The following MOXD1 variants were observed in gnomAD, a reference collection of about 807,000 sequenced individuals.
MOXD1 encodes the protein DBH-like monooxygenase protein 1.
MOXD1 carries 62 observed loss-of-function variants against 66.6 expected under a neutral mutation model. The ratio of observed to expected loss-of-function variants is 0.93; its 90% CI spans 0.76 to 1.15. MOXD1 has a LOEUF of 1.15. Ranked by LOEUF, MOXD1 falls within the 50% of genes most tolerant of loss-of-function variation. The pLI is 0.00. For synonymous variants in MOXD1, 303 were observed against 281.9 expected (o/e 1.07, Z -0.75); for missense variants, 847 against 754.6 (o/e 1.12, Z -1.44).
intron 4 of MOXD1, among the ~76,000 whole-genome samples, chr6:132,367,171 T>C (rs1776165772): frequency 6.6e-6 from 1 of 151,996 alleles, no homozygotes; most frequent in South Asian, 2.1e-4. Context: ...CCTCCCTAAA[T>C]GAAGTGATGG....
chr6:132,399,738 G>A (rs1776977505), intron 1 of MOXD1, among the ~76,000 whole-genome samples: 2 of 152,062 alleles, frequency 1.3e-5, no homozygotes, highest in African/African-American at 4.8e-5. Flanking sequence ...GATAGTTAAG[G>A]GGCATACTAT....
chr6:132,347,691 A>T (rs1775694732), intron 4 of MOXD1, among the ~76,000 whole-genome samples: 1 of 149,800 alleles, frequency 6.7e-6, no homozygotes, highest in Admixed American at 6.7e-5. Context: ...AAAAAAAATT[A>T]TTTGATTTAT....
At chr6:132,395,747 T>C (rs964029716) in intron 1 of MOXD1, among the ~76,000 whole-genome samples, 25 of 152,136 alleles carry the variant, frequency 1.6e-4, no homozygotes, top group Middle Eastern at 3.2e-3. Flanking sequence ...AGGTGAAACA[T>C]ACCTTAAGTA....
chr6:132,304,674 T>C (rs1774646588), intron 10 of MOXD1, among the ~76,000 whole-genome samples: 1 of 152,208 alleles, frequency 6.6e-6, no homozygotes, highest in Non-Finnish European at 1.5e-5. Context: ...TGTATAAGTA[T>C]GATTTTTCTT....
At chr6:132,325,991 T>C (rs1350592877) in intron 6 of MOXD1, among the ~76,000 whole-genome samples, 4 of 152,234 alleles carry the variant, frequency 2.6e-5, no homozygotes, top group African/African-American at 9.6e-5. Flanking sequence ...TCTGGACATA[T>C]CTTGCAAAAT....
chr6:132,363,792 T>C (rs1465919226), intron 4 of MOXD1, among the ~76,000 whole-genome samples: 1 of 152,210 alleles, frequency 6.6e-6, no homozygotes, highest in Admixed American at 6.5e-5. Context: ...CATACTTCCT[T>C]GCATGTAAGT....
intron 1 of MOXD1, among the ~76,000 whole-genome samples, chr6:132,378,514 GA>G (rs1283796369): frequency 6.6e-6 from 1 of 151,558 alleles, no homozygotes; most frequent in Non-Finnish European, 1.5e-5. Flanking sequence ...AAAGAAAGCA[GA>G]AAAAGATTAA....
Position 132,297,955 on chromosome 6 carries a change from C to T in MOXD1, c.1509G>A (p.Thr503=), listed in dbSNP as rs1273550741. ...IGVKEIYRPV[T]TWPFIIKSPK... The stretch of plus-strand genomic sequence containing the variant: ...GACTTTTGATAATGAAAGGCCAGGT[C>T]CTGAATTTAAAAGACACAGTTAGTC... Residue 503 remains threonine, a splice_region_variant and synonymous_variant, in exon 11 of 12, where the codon ACG becomes ACA. Transcript: ENST00000367963. 3 of 1,603,150 alleles carry T rather than the reference C, an allele frequency of 1.9e-6. No individual in the cohort carries two copies. The highest frequency in any genetic ancestry group is 1.7e-4 in the Middle Eastern group (1 of 5,966).
At chr6:132,388,751 T>C (rs1776699016) in intron 1 of MOXD1, among the ~76,000 whole-genome samples, 1 of 151,480 alleles carries the variant, frequency 6.6e-6, no homozygotes, top group South Asian at 2.1e-4. Context: ...TGGAGAAGAA[T>C]ACTTCTCTTG....
chr6:132,377,074 T>C (rs983665387), intron 1 of MOXD1, among the ~76,000 whole-genome samples: 18 of 152,162 alleles, frequency 1.2e-4, no homozygotes, highest in African/African-American at 3.9e-4. Context: ...TGGGATAGGA[T>C]GGGTACGCTT....
chr6:132,370,054 T>TA (rs1247411429), intron 4 of MOXD1, among the ~76,000 whole-genome samples: 19 of 152,102 alleles, frequency 1.2e-4, no homozygotes, highest in African/African-American at 4.6e-4. Flanking sequence ...CACCACACAA[T>TA]ATGATATAAA....
intron 9 of MOXD1, among the ~76,000 whole-genome samples, chr6:132,318,255 T>C (rs1442311821): frequency 6.6e-6 from 1 of 152,046 alleles, no homozygotes; most frequent in Non-Finnish European, 1.5e-5. Context: ...TATATATGAA[T>C]CTCTAATTTT....
rs553903688 is a variant in MOXD1, at chr6:132,384,113, A to G, written c.265-9336T>C. Among the ~76,000 whole-genome samples, 7 of 152,258 alleles carry G rather than the reference A, an allele frequency of 4.6e-5. No individual in the cohort carries two copies. The South Asian group carries it at 8.3e-4, about 18-fold the overall frequency. On this transcript the variant is annotated intron_variant, in intron 1 of 11. Transcript: ENST00000367963. ...TAACTGGTTATGTCTATTTTTTGCA[A>G]GGAATAAATTTTGAAGTTAAAACTA...
At chr6:132,386,291 A>G (rs1776635417) in intron 1 of MOXD1, among the ~76,000 whole-genome samples, 1 of 146,580 alleles carries the variant, frequency 6.8e-6, no homozygotes, top group Admixed American at 7.0e-5. Context: ...AGTCCCAGCT[A>G]CTTGGGAGGC....
In MOXD1 at chr6:132,328,453, A is replaced by T; in HGVS notation, c.805T>A (p.Cys269Ser). The change falls in exon 5 of 12, where the codon TGT becomes AGT. Residue 269 changes from cysteine to serine, a missense_variant. By Grantham distance (112) the Cys-to-Ser change is moderately radical (BLOSUM62 -1). Transcript: ENST00000367963. ...GCCCAGGCAAAAATCACAGTTTCAC[A>T]GGTGAGGAATGCATCGGGCATGTTG... ...HPNMPDAFLTCETVIFAWAIG... is the reference protein window; with the variant it reads ...HPNMPDAFLTSETVIFAWAIG... 2 of 1,613,582 alleles carry T rather than the reference A, an allele frequency of 1.2e-6. No individual in the cohort carries two copies. Among genetic ancestry groups the T allele is most frequent in the Non-Finnish European group, 1.7e-6 (2 of 1,179,478 alleles).
At chr6:132,358,122 C>T (rs1445427959) in intron 4 of MOXD1, among the ~76,000 whole-genome samples, 1 of 152,094 alleles carries the variant, frequency 6.6e-6, no homozygotes, top group Non-Finnish European at 1.5e-5. Context: ...GTAAATTACT[C>T]AAGGTCATAT....
chr6:132,378,478 G>A (rs920262938), intron 1 of MOXD1, among the ~76,000 whole-genome samples: 8 of 151,402 alleles, frequency 5.3e-5, no homozygotes, highest in African/African-American at 1.9e-4. Flanking sequence ...CTACTTTATG[G>A]AATCAAAATA....
intron 4 of MOXD1, among the ~76,000 whole-genome samples, chr6:132,350,310 G>C (rs763036088): frequency 6.6e-6 from 1 of 152,120 alleles, no homozygotes; most frequent in Admixed American, 6.5e-5. Flanking sequence ...TATAAGGTGA[G>C]AGATGAGGAT....
At chr6:132,308,502 C>G (rs917530906) in intron 10 of MOXD1, among the ~76,000 whole-genome samples, 1 of 152,278 alleles carries the variant, frequency 6.6e-6, no homozygotes, top group South Asian at 2.1e-4. Flanking sequence ...AAGAGGGACT[C>G]CTCCCTAACT....
Sources: gnomAD v4.1 joint callset for allele counts (sites outside exome capture counted in the v4.1 genomes callset) on GRCh38, gnomAD v4.1.1 for gene constraint, MANE v1.5 for transcripts, NCBI Gene and HGNC (gene_info 2026-07-23, HGNC 2026-07-21) for gene names.